The following FRRS1L variants were observed in gnomAD, a reference collection of about 807,000 sequenced individuals.
FRRS1L encodes the protein DOMON domain-containing protein FRRS1L.
FRRS1L carries 22 observed loss-of-function variants against 28.6 expected under a neutral mutation model. That is an observed-to-expected ratio of 0.77 (90% CI 0.55 to 1.10). The LOEUF (loss-of-function observed/expected upper bound fraction) is 1.10, where lower values mean the gene tolerates loss of function less well. FRRS1L is among the 50% of genes least tolerant of loss of function. FRRS1L has a pLI of 0.00. For missense variants in FRRS1L, 380 were observed against 386.9 expected (o/e 0.98, Z 0.15); for synonymous variants, 158 against 151.4 (o/e 1.04, Z -0.32).
chr9:109,139,917 A>G (rs749003084), intron 4 of FRRS1L: 1 of 152,280 alleles, frequency 6.6e-6, no homozygotes, highest in East Asian at 1.9e-4. Context: ...AGAAAGATGC[A>G]ATTACCAGGA....
chr9:109,163,657 T>A (rs1831506562), intron 1 of FRRS1L, among the ~76,000 whole-genome samples: 1 of 152,170 alleles, frequency 6.6e-6, no homozygotes, highest in South Asian at 2.1e-4. Flanking sequence ...TCAGTGGATT[T>A]CCATTCCCAC....
At chr9:109,154,386 A>C (rs1447791446) in intron 1 of FRRS1L, among the ~76,000 whole-genome samples, 1 of 152,186 alleles carries the variant, frequency 6.6e-6, no homozygotes, top group African/African-American at 2.4e-5. Context: ...TATGATTTCC[A>C]TCTTTCTTAC....
At position 109,166,865 on chromosome 9, in the gene FRRS1L, CCCCTCCCGCAACCCCTCG is replaced by C; in HGVS notation, c.238+18_238+35del. 1.9e-6 allele frequency: 1 copy of C among 530,162 alleles called. No individual in the cohort carries two copies. Among genetic ancestry groups the C allele is most frequent in the Non-Finnish European group, 2.5e-6 (1 of 399,418 alleles). 32.8% of individuals were successfully genotyped at this position (530,162 alleles called of 1,614,324 possible). A position where few individuals can be genotyped will look rare whatever the true frequency, so the allele number is the denominator to read the frequency against. ...ATCCTCGGTCCCCCACCCCCGGTCTCCCCTCCCGCAACCCCTCGCCCTCCCGCAGCCTCACCCTCCTCC... is the reference window on the plus strand; with the variant it reads ...ATCCTCGGTCCCCCACCCCCGGTCTCCCCTCCCGCAGCCTCACCCTCCTCC... On this transcript the variant is annotated intron_variant, in intron 1 of 4. Transcript: ENST00000561981.
At chr9:109,138,468 G>T (rs1369549082) in intron 4 of FRRS1L, 1 of 152,194 alleles carries the variant, frequency 6.6e-6, no homozygotes, top group East Asian at 1.9e-4. Flanking sequence ...AGGGCTCAGA[G>T]TGAGGGTTTT....
chr9:109,155,703 CAA>C (rs539557102), intron 1 of FRRS1L, among the ~76,000 whole-genome samples: 8 of 81,022 alleles, frequency 9.9e-5, no homozygotes, highest in Admixed American at 2.8e-4. Context: ...GACTCCATCT[CAA>C]AAAAAAAAAA....
chr9:109,141,713 G>T (rs1831189801), intron 3 of FRRS1L, 124 bp from the exon 4 acceptor site: 1 of 1,085,168 alleles, frequency 9.2e-7, no homozygotes, highest in Non-Finnish European at 1.3e-6. Flanking sequence ...TCTTTTAAGT[G>T]CCATTAAAAA....
intron 1 of FRRS1L, among the ~76,000 whole-genome samples, chr9:109,161,704 A>G (rs1831482511): frequency 6.6e-6 from 1 of 152,110 alleles, no homozygotes; most frequent in Non-Finnish European, 1.5e-5. Flanking sequence ...CTTCTAATTA[A>G]TGGCTTGGCT....
intron 3 of FRRS1L, among the ~76,000 whole-genome samples, chr9:109,145,739 A>G (rs1370382066): frequency 6.6e-6 from 1 of 151,980 alleles, no homozygotes; most frequent in Non-Finnish European, 1.5e-5. Flanking sequence ...CCAAAAGGAC[A>G]GGGTTCGGAT....
In FRRS1L at chr9:109,137,544, G is replaced by A; in HGVS notation, c.793C>T (p.Pro265Ser). Residue 265 changes from proline (P) to serine (S), a missense_variant, in exon 5 of 5, where the codon CCA (proline) becomes TCA (serine). Pro to Ser is a moderately conservative substitution (Grantham distance 74). Coordinates refer to ENST00000561981, the MANE Select transcript of FRRS1L (RefSeq NM_014334.4). ...SIYKYEDIFM[P>S]SAAYQTFSSP... is the part of the protein sequence containing the mutation. The stretch of plus-strand genomic sequence containing the variant: ...GAGAAGGTTTGATAGGCAGCTGATG[G>A]CATAAAAATGTCTTCATACTTGTAA... The A allele has an allele frequency of 6.2e-7, 1 of 1,612,868 alleles. No homozygotes were observed.
intron 3 of FRRS1L, among the ~76,000 whole-genome samples, chr9:109,144,721 T>C (rs10979707): frequency 0.51 from 77,103 of 151,226 alleles, 21,763 homozygotes; most frequent in East Asian, 0.66. Context: ...TTCATTCTCG[T>C]TGCCCAGGCT....
chr9:109,137,145 C>G lies in FRRS1L; in HGVS notation c.*310G>C. 1 of 174,936 alleles carries G rather than the reference C, an allele frequency of 5.7e-6. No individual in the cohort carries two copies. Among genetic ancestry groups the G allele is most frequent in the East Asian group, 1.4e-4 (1 of 6,980 alleles). The allele number at this position is 174,936 out of a possible 1,614,324, so 10.8% of individuals were successfully genotyped here. A position where few individuals can be genotyped will look rare whatever the true frequency, so the allele number is the denominator to read the frequency against. On this transcript the variant is annotated 3_prime_UTR_variant, in exon 5 of 5. Transcript: ENST00000561981. The stretch of plus-strand genomic sequence containing the variant: ...ATAAAAAGGCAGTCTTTTTGGGTCT[C>G]AAATCCCATTCAGGAAGATGGCAAT...
chr9:109,153,895 A>T (rs1426633051), intron 1 of FRRS1L, among the ~76,000 whole-genome samples: 1 of 152,236 alleles, frequency 6.6e-6, no homozygotes, highest in Admixed American at 6.5e-5. Context: ...TCTCTCAGCT[A>T]CAACCCAGCC....
chr9:109,150,486 G>A (rs1453361753), intron 1 of FRRS1L: 1 of 152,156 alleles, frequency 6.6e-6, no homozygotes, highest in African/African-American at 2.4e-5. Context: ...AAAGTGCTAG[G>A]GTTACAGGTA....
At chr9:109,160,465 C>CTGT (rs148504725) in intron 1 of FRRS1L, among the ~76,000 whole-genome samples, 2 of 151,932 alleles carry the variant, frequency 1.3e-5, no homozygotes, top group East Asian at 3.9e-4. Flanking sequence ...GACTGGAGCA[C>CTGT]AGCCTCGACC....
intron 2 of FRRS1L, chr9:109,147,514 C>G (rs1831279781): frequency 4.9e-6 from 1 of 202,900 alleles, no homozygotes; most frequent in Admixed American, 5.9e-5. Context: ...GTATTAGAGT[C>G]TTTTACATGT....
chr9:109,147,033 T>A lies in FRRS1L; in HGVS notation c.462+18A>T, dbSNP rs527552417. On this transcript the variant is annotated intron_variant, in intron 3 of 4. Coordinates refer to ENST00000561981, the MANE Select transcript of FRRS1L (RefSeq NM_014334.4). ...ACTAAAGAGAAAAAATCAGCTTCTA[T>A]CATGTTTTGCATCTTACCATTTTCT... 1.2e-6 allele frequency: 2 copies of A among 1,611,250 alleles called. No individual in the cohort carries two copies. Among genetic ancestry groups the A allele is most frequent in the Admixed American group, 3.3e-5 (2 of 59,912 alleles).
rs974492576 is a variant in FRRS1L, at chr9:109,130,603, A to C, written c.*6852T>G. 1 of 152,248 alleles carries C rather than the reference A, an allele frequency of 6.6e-6. No homozygotes were observed. Among genetic ancestry groups the C allele is most frequent in the Admixed American group, 6.5e-5 (1 of 15,286 alleles). 9.4% of individuals were successfully genotyped at this position (152,248 alleles called of 1,614,324 possible). On this transcript the variant is annotated 3_prime_UTR_variant, in exon 5 of 5. Coordinates refer to ENST00000561981, the MANE Select transcript of FRRS1L (RefSeq NM_014334.4). Reference sequence around the variant, plus strand: ...TCAAAATTAATCACAAACATTAGGTACACAATTGTTATAAAACAAATATAA... The same window carrying C: ...TCAAAATTAATCACAAACATTAGGTCCACAATTGTTATAAAACAAATATAA...
chr9:109,144,711 T>G (rs905029779), intron 3 of FRRS1L, among the ~76,000 whole-genome samples: 1 of 151,030 alleles, frequency 6.6e-6, no homozygotes, highest in African/African-American at 2.4e-5. Flanking sequence ...GAGACGGAGT[T>G]TCATTCTCGT....
chr9:109,137,627 C>A lies in FRRS1L; in HGVS notation c.710G>T (p.Gly237Val). 5.8e-6 allele frequency: 9 copies of A among 1,538,768 alleles called. No individual in the cohort carries two copies. The highest frequency in any genetic ancestry group is 1.9e-5 in the Admixed American group (1 of 51,918). ...GTCTATATCATGTCGAGTGATAGAG[C>A]CTTTAAGAAAAAAAGAGAAGAGCAG... ...YLFAWGPAIQ[G>V]SITRHDIDSP... Residue 237 changes from glycine to valine, a missense_variant and splice_region_variant, in exon 5 of 5, where the codon GGC (glycine) becomes GTC (valine). Coordinates refer to ENST00000561981, the MANE Select transcript of FRRS1L (RefSeq NM_014334.4).
Sources: allele counts gnomAD v4.1 joint callset (sites outside exome capture counted in the v4.1 genomes callset), GRCh38; gene constraint gnomAD v4.1.1; transcripts MANE v1.5; gene names NCBI Gene and HGNC (gene_info 2026-07-23, HGNC 2026-07-21).